The following LRCH2 variants were observed in gnomAD, a reference collection of about 807,000 sequenced individuals.
The protein encoded by LRCH2 is leucine rich repeats and calponin homology domain containing 2.
A neutral mutation model predicts 68.9 loss-of-function variants in LRCH2; 38 were observed. The observed-to-expected ratio is 0.55, with a 90% confidence interval of 0.43 to 0.72. The LOEUF (loss-of-function observed/expected upper bound fraction) is 0.72, where lower values mean the gene tolerates loss of function less well. Among genes scored for constraint, LRCH2 ranks in the 30% least tolerant of loss-of-function variants. The probability of loss-of-function intolerance (pLI) is 0.00; values close to 1 mark genes in which losing one functional copy is unlikely to be tolerated. For synonymous variants in LRCH2, 191 were observed against 208.1 expected (o/e 0.92, Z 0.71); for missense variants, 528 against 572.9 (o/e 0.92, Z 0.80).
intron 14 of LRCH2, among the ~76,000 whole-genome samples, chrX:115,134,606 T>A (rs183754925): frequency 2.8e-4 from 31 of 112,059 alleles, no homozygotes; most frequent in African/African-American, 9.7e-4. Context: ...AAAGCCTGGA[T>A]GACAGCACAT....
chrX:115,139,447 T>C (rs1477568295), intron 14 of LRCH2, among the ~76,000 whole-genome samples: 3 of 112,290 alleles, frequency 2.7e-5, no homozygotes, highest in Non-Finnish European at 5.6e-5. Context: ...CTAATACTTT[T>C]TAACTGTTTT....
chrX:115,142,926 C>A (rs1237862780), intron 14 of LRCH2, among the ~76,000 whole-genome samples: 1 of 110,285 alleles, frequency 9.1e-6, no homozygotes, highest in Non-Finnish European at 1.9e-5. Flanking sequence ...ATGGCAAAAC[C>A]CCATCTCTAC....
chrX:115,139,783 A>G (rs930804746), intron 14 of LRCH2, among the ~76,000 whole-genome samples: 2 of 111,604 alleles, frequency 1.8e-5, no homozygotes, highest in Non-Finnish European at 3.8e-5. Flanking sequence ...ACAAGCACCC[A>G]GGCATGGCGG....
intron 14 of LRCH2, among the ~76,000 whole-genome samples, chrX:115,143,444 A>C (rs781807720): frequency 9.0e-6 from 1 of 111,685 alleles, no homozygotes; most frequent in Non-Finnish European, 1.9e-5. Flanking sequence ...GAAATCCAAA[A>C]TGTGAACAGG....
intron 11 of LRCH2, 150 bp downstream of exon 11, chrX:115,163,526 G>C (rs1556542952): frequency 2.6e-6 from 1 of 384,161 alleles, no homozygotes; most frequent in Non-Finnish European, 4.4e-6. Flanking sequence ...TTTTGAATGA[G>C]GAATACTCAA....
chrX:115,115,975 G>T (rs1166957989), intron 20 of LRCH2, among the ~76,000 whole-genome samples: 9 of 110,925 alleles, frequency 8.1e-5, no homozygotes, highest in Non-Finnish European at 1.7e-4. Flanking sequence ...CTAGGGAAAC[G>T]CAAATCAAAA....
chrX:115,140,711 C>T (rs1442118177), intron 14 of LRCH2, among the ~76,000 whole-genome samples: 1 of 111,357 alleles, frequency 9.0e-6, no homozygotes, highest in Non-Finnish European at 1.9e-5. Flanking sequence ...GCAGAACCTC[C>T]CATGGGCCAG....
chrX:115,197,440 A>G (rs1424952787), intron 1 of LRCH2, among the ~76,000 whole-genome samples: 4 of 111,824 alleles, frequency 3.6e-5, no homozygotes, highest in African/African-American at 1.3e-4. Context: ...AACTTATAAC[A>G]TGGAGATAAA....
intron 1 of LRCH2, among the ~76,000 whole-genome samples, chrX:115,208,587 A>G (rs1216560213): frequency 1.8e-5 from 2 of 111,871 alleles, no homozygotes; most frequent in Non-Finnish European, 3.8e-5. Flanking sequence ...GCTGTCTCCC[A>G]AGCTGCACCC....
intron 20 of LRCH2, among the ~76,000 whole-genome samples, chrX:115,116,158 A>G (rs1284285804): frequency 9.0e-6 from 1 of 111,533 alleles, no homozygotes; most frequent in Non-Finnish European, 1.9e-5. Context: ...TTCTTAAAAA[A>G]TATAAACATA....
chrX:115,166,047 G>A, intron 7 of LRCH2, 95 bp from the exon 8 acceptor site: 1 of 709,859 alleles, frequency 1.4e-6, no homozygotes, highest in Non-Finnish European at 2.1e-6. Context: ...CAGAATGTCT[G>A]CTTTACATCT....
chrX:115,197,755 TTCTCTCTC>T (rs782244834), intron 1 of LRCH2, among the ~76,000 whole-genome samples: 2 of 61,949 alleles, frequency 3.2e-5, no homozygotes, highest in African/African-American at 6.2e-5. Flanking sequence ...CTCTCTCTCT[TTCTCTCTC>T]TCTCTCTCTC....
Position 115,223,382 on chromosome X carries a change from A to G in LRCH2, c.349+10311T>C, listed in dbSNP as rs782575953. ...TAATTTTGTGTTTCAGAGTAGATGA[A>G]CCAACAGAATAGGAAAGAAATATTT... is the stretch of plus-strand genomic sequence containing the variant. On this transcript the variant is annotated intron_variant, in intron 1 of 20. Transcript: ENST00000317135. Among the ~76,000 whole-genome samples the G allele has an allele frequency of 4.2e-4, 47 of 111,345 alleles. No homozygotes were observed. In the South Asian group the frequency reaches 0.017, roughly 40 times the overall value.
chrX:115,192,883 T>C, intron 1 of LRCH2: 1 of 364,136 alleles, frequency 2.7e-6, no homozygotes, highest in Non-Finnish European at 4.9e-6. Flanking sequence ...TGAGTCTTAG[T>C]CTTCTTCTAT....
chrX:115,123,880 C>T, intron 17 of LRCH2, 65 bp downstream of exon 17: 1 of 701,129 alleles, frequency 1.4e-6, no homozygotes, highest in Non-Finnish European at 2.1e-6. Flanking sequence ...GAATCAATCC[C>T]ATTTAAGCTG....
At chrX:115,138,604 A>G (rs1215772789) in intron 14 of LRCH2, among the ~76,000 whole-genome samples, 6 of 111,904 alleles carry the variant, frequency 5.4e-5, no homozygotes, top group Admixed American at 2.9e-4. Context: ...TGAAAGGTAA[A>G]GAGGCAGGAA....
rs183019194 is a variant in LRCH2, at chrX:115,180,766, A to C, written c.622-1015T>G. Reference sequence around the variant, plus strand: ...AAAATATATCCTACATACCTCTTTCAAACAATATCTAAGGCATCTTCATTC... The same window carrying C: ...AAAATATATCCTACATACCTCTTTCCAACAATATCTAAGGCATCTTCATTC... On this transcript the variant is annotated intron_variant, in intron 3 of 20. Coordinates refer to ENST00000317135, the MANE Select transcript of LRCH2 (RefSeq NM_020871.4). Among the ~76,000 whole-genome samples, 22 of 111,861 alleles carry C rather than the reference A, an allele frequency of 2.0e-4. No individual in the cohort carries two copies. The East Asian group carries it at 6.2e-3, about 31-fold the overall frequency.
intron 5 of LRCH2, among the ~76,000 whole-genome samples, chrX:115,179,158 G>C (rs1447556630): frequency 2.7e-5 from 3 of 111,943 alleles, no homozygotes; most frequent in Non-Finnish European, 5.6e-5. Flanking sequence ...TAGGTAGAGA[G>C]ACTTCAGAGT....
rs1556555330 is a variant in LRCH2 at position 115,188,302 on chromosome X, T to G, written c.418A>C (p.Asn140His). 8.4e-7 allele frequency: 1 copy of G among 1,191,709 alleles called. No homozygotes were observed. Residue 140 changes from asparagine to histidine, a missense_variant, in exon 2 of 21, where the codon AAT becomes CAT. Asn to His is a moderately conservative substitution (Grantham distance 68). Coordinates refer to ENST00000317135, the MANE Select transcript of LRCH2 (RefSeq NM_020871.4). Reference protein sequence around the residue: ...VWLFAPLETLNLYHNCIKTIP... With the variant: ...VWLFAPLETLHLYHNCIKTIP... ...GTTTTGATGCAATTATGATATAAAT[T>G]TAATGTTTCAAGGGGTGCAAATAAC...
Sources: allele counts gnomAD v4.1 joint callset (sites outside exome capture counted in the v4.1 genomes callset), GRCh38; gene constraint gnomAD v4.1.1; transcripts MANE v1.5; gene names NCBI Gene and HGNC (gene_info 2026-07-23, HGNC 2026-07-21).